CFAP161: variants seen among roughly 807,000 people sequenced by gnomAD.
The protein encoded by CFAP161 is cilia and flagella associated protein 161.
Under a neutral mutation model 29.0 loss-of-function variants are expected in CFAP161, and 25 were observed. That is an observed-to-expected ratio of 0.86 (90% confidence interval 0.63 to 1.20). The LOEUF is 1.20. Among genes scored for constraint, CFAP161 ranks in the 50% most tolerant of loss-of-function variants. CFAP161 has a pLI of 0.00. For missense variants in CFAP161, 367 were observed against 371.9 expected, an observed-to-expected ratio of 0.99 and a Z score of 0.11; for synonymous variants, 116 against 137.4, an observed-to-expected ratio of 0.84 and a Z score of 1.09.
chr15:81,135,158 C>A (rs1894787325), intron 1 of CFAP161, 112 bp from the exon 2 acceptor site: 1 of 602,562 alleles, frequency 1.7e-6, no homozygotes, highest in Non-Finnish European at 2.9e-6. Flanking sequence ...GCTCACATCT[C>A]TTTTTTTGTA....
In CFAP161 at chr15:81,147,932, G is replaced by A; in HGVS notation, c.710+1G>A. 6.2e-7 allele frequency: 1 copy of A among 1,605,452 alleles called. No homozygotes were observed. Among genetic ancestry groups the A allele is most frequent in the South Asian group, 1.1e-5 (1 of 89,756 alleles). ...CAGCCCACCGGCATCTTTTCTTAAG[G>A]TATTGTATTTCAGGGTACAACAAAA... On this transcript the variant is annotated splice_donor_variant, in intron 6 of 6. Transcript: ENST00000286732. LOFTEE classifies it high-confidence loss of function.
intron 1 of CFAP161, among the ~76,000 whole-genome samples, chr15:81,115,936 C>T (rs74787945): frequency 0.014 from 2,110 of 151,754 alleles, 48 homozygotes; most frequent in African/African-American, 0.046. Flanking sequence ...AATACTCCCA[C>T]CTCAACCAGA....
Position 81,139,839 on chromosome 15 carries a change from G to A in CFAP161, c.477+1704G>A, listed in dbSNP as rs143981335. 3.4e-3 allele frequency among the ~76,000 whole-genome samples: 519 copies of A among 152,180 alleles called. 5 individuals are homozygous for A. The highest frequency in any genetic ancestry group is 0.012 in the African/African-American group (496 of 41,516). ...ACATATAAAGAGTTCTTTTTGTAAT[G>A]GGGTGTACCAATTTGCACTCTCAGC... On this transcript the variant is annotated intron_variant, in intron 4 of 6. Coordinates refer to ENST00000286732, the MANE Select transcript of CFAP161 (RefSeq NM_173528.4).
chr15:81,134,325 G>C lies in CFAP161; in HGVS notation c.-5G>C. The C allele has an allele frequency of 6.3e-7, 1 of 1,584,484 alleles. No individual in the cohort carries two copies. Among genetic ancestry groups the C allele is most frequent in the South Asian group, 1.2e-5 (1 of 86,198 alleles). On this transcript the variant is annotated 5_prime_UTR_variant, in exon 1 of 7. Coordinates refer to ENST00000286732, the MANE Select transcript of CFAP161 (RefSeq NM_173528.4). ...GGAGGCCCACTTGCTGAACAGCAGG[G>C]AGCGATGGCGCAGAACGTGTATGGT...
chr15:81,133,758 A>G (rs62035262), upstream of CFAP161, among the ~76,000 whole-genome samples: 15,593 of 152,116 alleles, frequency 0.1, 882 homozygotes, highest in East Asian at 0.17. Context: ...AGAAACCTAT[A>G]AACAGAAATA....
chr15:81,112,518 A>G (rs976910746), intron 1 of CFAP161, among the ~76,000 whole-genome samples: 3 of 152,222 alleles, frequency 2.0e-5, no homozygotes, highest in African/African-American at 4.8e-5. Flanking sequence ...ACATATAGGT[A>G]TAATAAAACT....
chr15:81,099,955 G>A (rs1275740371), intron 1 of CFAP161, among the ~76,000 whole-genome samples: 1 of 151,442 alleles, frequency 6.6e-6, no homozygotes. Context: ...CCGTCCATTT[G>A]TTTCATCACC....
upstream of CFAP161, chr15:81,134,131 TG>T: frequency 1.7e-6 from 1 of 574,070 alleles, no homozygotes; most frequent in East Asian, 3.0e-5. Context: ...GAGGTGGAAG[TG>T]GGGCGGGCTG....
chr15:81,129,402 A>G (rs949941339), upstream of CFAP161, among the ~76,000 whole-genome samples: 5 of 152,218 alleles, frequency 3.3e-5, no homozygotes, highest in Admixed American at 2.0e-4. Flanking sequence ...AGGCCTCACA[A>G]TCACGGTGGA....
At chr15:81,125,169 A>AT (rs1052746227) in intron 1 of CFAP161, among the ~76,000 whole-genome samples, 5 of 152,070 alleles carry the variant, frequency 3.3e-5, no homozygotes, top group Admixed American at 6.6e-5. Context: ...CATTTACTTG[A>AT]TTTTTTAAAA....
chr15:81,102,950 A>C (rs34992514), intron 1 of CFAP161, among the ~76,000 whole-genome samples: 15,064 of 152,204 alleles, frequency 0.099, 788 homozygotes, highest in African/African-American at 0.12. Context: ...ATTGATAATA[A>C]AGGAGGATTT....
intron 2 of CFAP161, among the ~76,000 whole-genome samples, 196 bp downstream of exon 2, chr15:81,135,555 C>A (rs1390307265): frequency 1.4e-5 from 2 of 143,598 alleles, no homozygotes; most frequent in Non-Finnish European, 3.0e-5. Flanking sequence ...GCGATGTTCC[C>A]CTTCCTGTGT....
At chr15:81,117,780 GT>G (rs1302168470) in intron 1 of CFAP161, 2 of 294,672 alleles carry the variant, frequency 6.8e-6, no homozygotes, top group African/African-American at 4.6e-5. Context: ...CTTCATCTTT[GT>G]CATCATCCCC....
At chr15:81,129,746 T>C (rs73497317), upstream of CFAP161, among the ~76,000 whole-genome samples, 2,187 of 152,290 alleles carry the variant, frequency 0.014, 41 homozygotes, top group South Asian at 0.07. Context: ...AAGCATTAAC[T>C]TTTTCCTCTA....
At chr15:81,145,265 C>T (rs1029755143) in intron 5 of CFAP161, among the ~76,000 whole-genome samples, 38 of 152,206 alleles carry the variant, frequency 2.5e-4, no homozygotes, top group African/African-American at 7.7e-4. Context: ...TACAATGAAA[C>T]AGGCTTTACA....
intron 1 of CFAP161, among the ~76,000 whole-genome samples, chr15:81,101,825 C>G (rs1894307403): frequency 6.6e-6 from 1 of 152,086 alleles, no homozygotes; most frequent in African/African-American, 2.4e-5. Flanking sequence ...GGCAGGGATG[C>G]TTTGCAATGC....
chr15:81,105,193 CTCA>C (rs1894355206), intron 1 of CFAP161, among the ~76,000 whole-genome samples: 1 of 82,022 alleles, frequency 1.2e-5, no homozygotes, highest in African/African-American at 3.9e-5. Flanking sequence ...TTTTTCCTCC[CTCA>C]CTCCCCCTCC....
At chr15:81,102,216 G>C (rs1411334467) in intron 1 of CFAP161, among the ~76,000 whole-genome samples, 1 of 152,210 alleles carries the variant, frequency 6.6e-6, no homozygotes, top group Non-Finnish European at 1.5e-5. Flanking sequence ...GAGTGGTTCT[G>C]ATCTAGGTCC....
intron 5 of CFAP161, among the ~76,000 whole-genome samples, chr15:81,145,173 G>T (rs79617451): frequency 9.2e-5 from 14 of 152,356 alleles, no homozygotes; most frequent in Admixed American, 2.6e-4. Context: ...ACCCGATGCA[G>T]CATGCCTGTC....
Sources: gnomAD v4.1 joint callset for allele counts (sites outside exome capture counted in the v4.1 genomes callset) on GRCh38, gnomAD v4.1.1 for gene constraint, MANE v1.5 for transcripts, NCBI Gene and HGNC (gene_info 2026-07-23, HGNC 2026-07-21) for gene names.